HTR2A: variants seen among roughly 807,000 people sequenced by gnomAD.
The protein encoded by HTR2A is 5-HT2 receptor.
In HTR2A, 14 loss-of-function variants were observed where a neutral mutation model predicts 31.0. The observed-to-expected ratio is 0.45, with a 90% CI of 0.30 to 0.71. The LOEUF (loss-of-function observed/expected upper bound fraction) is 0.71, where lower values mean the gene tolerates loss of function less well. HTR2A is among the 30% of genes least tolerant of loss of function. The pLI is 0.09. For missense variants in HTR2A, 442 were observed against 573.3 expected (o/e 0.77, Z 2.34); for synonymous variants, 209 against 225.2 (o/e 0.93, Z 0.64).
chr13:46,874,984 C>A (rs1950896674), intron 3 of HTR2A, among the ~76,000 whole-genome samples: 1 of 152,206 alleles, frequency 6.6e-6, no homozygotes, highest in Non-Finnish European at 1.5e-5. Context: ...AATGAAACAA[C>A]TTTAATACAA....
chr13:46,855,410 T>C (rs74745722), intron 3 of HTR2A, among the ~76,000 whole-genome samples: 2,315 of 152,312 alleles, frequency 0.015, 62 homozygotes, highest in African/African-American at 0.053. Context: ...ATATATTTTC[T>C]GGTGGGTGGA....
chr13:46,885,308 G>A (rs1206548064), intron 3 of HTR2A, among the ~76,000 whole-genome samples: 4 of 152,124 alleles, frequency 2.6e-5, no homozygotes, highest in Non-Finnish European at 4.4e-5. Context: ...ATACGAGGCA[G>A]GATGGCGGGA....
intron 3 of HTR2A, among the ~76,000 whole-genome samples, chr13:46,873,460 A>ATTATTG (rs1566313595): frequency 7.4e-6 from 1 of 134,270 alleles, no homozygotes; most frequent in African/African-American, 2.7e-5. Context: ...TATTATTATT[A>ATTATTG]TTATACTTTA....
intron 3 of HTR2A, among the ~76,000 whole-genome samples, chr13:46,839,386 A>T (rs1405436755): frequency 6.6e-6 from 1 of 152,198 alleles, no homozygotes; most frequent in Non-Finnish European, 1.5e-5. Context: ...ACACATAGAT[A>T]GGCTTTGTGG....
intron 3 of HTR2A, among the ~76,000 whole-genome samples, chr13:46,844,186 T>C (rs900046519): frequency 6.6e-6 from 1 of 152,198 alleles, no homozygotes; most frequent in Non-Finnish European, 1.5e-5. Flanking sequence ...TCTTTGTGTA[T>C]TGTAAGACAT....
At chr13:46,837,337 T>C (rs1194991798) in intron 3 of HTR2A, among the ~76,000 whole-genome samples, 1 of 152,144 alleles carries the variant, frequency 6.6e-6, no homozygotes, top group East Asian at 1.9e-4. Context: ...TTATTCTCTC[T>C]GCCATAAAGG....
At chr13:46,870,085 GC>G (rs1257120495) in intron 3 of HTR2A, among the ~76,000 whole-genome samples, 1 of 152,066 alleles carries the variant, frequency 6.6e-6, no homozygotes, top group African/African-American at 2.4e-5. Flanking sequence ...TAAAGTACAT[GC>G]CTTTGTGACT....
intron 3 of HTR2A, among the ~76,000 whole-genome samples, chr13:46,840,787 A>G (rs924533282): frequency 5.3e-5 from 8 of 152,230 alleles, no homozygotes; most frequent in African/African-American, 1.9e-4. Flanking sequence ...AAATTTGTAT[A>G]TATGTATATT....
At chr13:46,873,764 G>A (rs1458544935) in intron 3 of HTR2A, among the ~76,000 whole-genome samples, 1 of 152,148 alleles carries the variant, frequency 6.6e-6, no homozygotes, top group Non-Finnish European at 1.5e-5. Flanking sequence ...AAACTTGTCT[G>A]AGAATGGTTA....
At position 46,842,549 on chromosome 13, in the gene HTR2A, T is replaced by C. The variant is rs140457802; in HGVS notation, c.614-6910A>G. ...TCTCTTTCCTCCAGCCTCGCTTGTA[T>C]GCAGCATCCTAAAGCACCTTTTCCA... On this transcript the variant is annotated intron_variant, in intron 3 of 3. Coordinates refer to ENST00000542664, the MANE Select transcript of HTR2A (RefSeq NM_000621.5). Among the ~76,000 whole-genome samples the C allele has an allele frequency of 5.4e-3, 817 of 152,286 alleles. 5 individuals are homozygous for C. The highest frequency in any genetic ancestry group is 0.018 in the African/African-American group (767 of 41,574).
At chr13:46,884,556 C>T (rs1342662224) in intron 3 of HTR2A, among the ~76,000 whole-genome samples, 1 of 152,084 alleles carries the variant, frequency 6.6e-6, no homozygotes, top group Non-Finnish European at 1.5e-5. Flanking sequence ...CCCAGATACT[C>T]AGGAGGCTGA....
intron 3 of HTR2A, among the ~76,000 whole-genome samples, chr13:46,871,200 G>T (rs1950861527): frequency 1.3e-5 from 2 of 152,190 alleles, no homozygotes. Flanking sequence ...GACATTGTGA[G>T]AATTACTTCA....
At chr13:46,887,136 G>A (rs1054772916) in intron 3 of HTR2A, among the ~76,000 whole-genome samples, 1 of 151,988 alleles carries the variant, frequency 6.6e-6, no homozygotes, top group Non-Finnish European at 1.5e-5. Flanking sequence ...GAATTACCAG[G>A]CGGCCAGGCG....
chr13:46,850,674 T>C (rs75050639), intron 3 of HTR2A, among the ~76,000 whole-genome samples: 2,023 of 152,280 alleles, frequency 0.013, 50 homozygotes, highest in African/African-American at 0.046. Flanking sequence ...CTATGAAATC[T>C]TTCTGTGGGG....
intron 3 of HTR2A, among the ~76,000 whole-genome samples, chr13:46,885,447 A>G (rs1241051789): frequency 6.6e-6 from 1 of 152,246 alleles, no homozygotes; most frequent in Non-Finnish European, 1.5e-5. Flanking sequence ...GGGAAACTGG[A>G]TAATGGAAAC....
At chr13:46,843,869 C>G (rs1009205183) in intron 3 of HTR2A, among the ~76,000 whole-genome samples, 6 of 152,128 alleles carry the variant, frequency 3.9e-5, no homozygotes, top group African/African-American at 1.4e-4. Context: ...ATACAAAACA[C>G]ATTATTGTAC....
intron 3 of HTR2A, among the ~76,000 whole-genome samples, chr13:46,843,912 G>A (rs962689845): frequency 3.3e-5 from 5 of 152,096 alleles, no homozygotes; most frequent in Non-Finnish European, 7.4e-5. Flanking sequence ...AGTGCTTTGG[G>A]AATCTGCAGA....
chr13:46,836,490 A>C (rs1303372698), intron 3 of HTR2A, among the ~76,000 whole-genome samples: 2 of 152,306 alleles, frequency 1.3e-5, no homozygotes, highest in East Asian at 3.8e-4. Context: ...AATCATGATA[A>C]TTGCACATAA....
At chr13:46,886,156 G>A (rs1303876439) in intron 3 of HTR2A, among the ~76,000 whole-genome samples, 1 of 152,032 alleles carries the variant, frequency 6.6e-6, no homozygotes, top group East Asian at 1.9e-4. Flanking sequence ...AGAAATTATT[G>A]GAAAACTTGT....
Sources: allele counts gnomAD v4.1 joint callset (sites outside exome capture counted in the v4.1 genomes callset), GRCh38; gene constraint gnomAD v4.1.1; transcripts MANE v1.5; gene names NCBI Gene and HGNC (gene_info 2026-07-23, HGNC 2026-07-21).